The following DNAJC1 variants were observed in gnomAD, a reference collection of about 807,000 sequenced individuals.
The protein encoded by DNAJC1 is DnaJ heat shock protein family (Hsp40) member C1.
Under a neutral mutation model 76.6 loss-of-function variants are expected in DNAJC1, and 58 were observed. The observed-to-expected ratio is 0.76, with a 90% CI of 0.61 to 0.94. DNAJC1 has a LOEUF of 0.94. Ranked by LOEUF, DNAJC1 falls within the 40% of genes least tolerant of loss-of-function variation. The probability of loss-of-function intolerance (pLI) is 0.00; values close to 1 mark genes in which losing one functional copy is unlikely to be tolerated. For synonymous variants in DNAJC1, 258 were observed against 267.9 expected (o/e 0.96, Z 0.36); for missense variants, 689 against 677.3 (o/e 1.02, Z -0.19).
intron 6 of DNAJC1, among the ~76,000 whole-genome samples, chr10:21,912,423 T>G (rs1017162346): frequency 6.6e-6 from 1 of 152,180 alleles, no homozygotes; most frequent in Non-Finnish European, 1.5e-5. Flanking sequence ...TCTTTGGATC[T>G]CTGAGTACTT....
intron 8 of DNAJC1, among the ~76,000 whole-genome samples, chr10:21,830,184 CCT>C (rs1564800374): frequency 6.6e-6 from 1 of 152,108 alleles, no homozygotes; most frequent in East Asian, 1.9e-4. Context: ...ACATGATTTC[CCT>C]GTTTTGTCAC....
At chr10:21,921,053 A>C in intron 3 of DNAJC1, 90 bp from the exon 4 acceptor site, 1 of 1,170,040 alleles carries the variant, frequency 8.5e-7, no homozygotes, top group South Asian at 1.7e-5. Context: ...AGGAAAAAGA[A>C]AACAAATTAT....
intron 1 of DNAJC1, among the ~76,000 whole-genome samples, chr10:21,944,896 T>C (rs1837478939): frequency 6.6e-6 from 1 of 152,140 alleles, no homozygotes; most frequent in Non-Finnish European, 1.5e-5. Context: ...ACTGATAACA[T>C]CTGCAGAAAT....
chr10:21,805,954 T>A (rs1834877826), intron 9 of DNAJC1, 26 bp downstream of exon 9: 2 of 1,610,984 alleles, frequency 1.2e-6, no homozygotes, highest in Non-Finnish European at 1.7e-6. Flanking sequence ...TCTCTCTCTA[T>A]ACAATGCAAA....
intron 8 of DNAJC1, among the ~76,000 whole-genome samples, chr10:21,839,446 A>C (rs903160876): frequency 1.3e-5 from 2 of 152,246 alleles, no homozygotes; most frequent in African/African-American, 4.8e-5. Context: ...AGAAATACAA[A>C]CTACCATCAG....
In DNAJC1 at chr10:21,813,050, CACAT is replaced by C. The variant is rs1254538119; in HGVS notation, c.979-6955_979-6952del. On this transcript the variant is annotated intron_variant, in intron 8 of 11. Coordinates refer to ENST00000376980, the MANE Select transcript of DNAJC1 (RefSeq NM_022365.4). ...ATACACACACACACACACACACACACACATATATATACATATATACATATATATA... is the reference window on the plus strand; with the variant it reads ...ATACACACACACACACACACACACACATATATACATATATACATATATATA... Among the ~76,000 whole-genome samples, 533 of 142,142 alleles carry C rather than the reference CACAT, an allele frequency of 3.7e-3. 4 individuals carry two copies. Among genetic ancestry groups the C allele is most frequent in the African/African-American group, 0.013 (482 of 37,688 alleles). 93.3% of individuals were successfully genotyped at this position (142,142 alleles called of 152,430 possible).
At chr10:21,799,690 GGTCCCTATCATGCC>G (rs1834791765) in intron 9 of DNAJC1, among the ~76,000 whole-genome samples, 1 of 151,878 alleles carries the variant, frequency 6.6e-6, no homozygotes, top group South Asian at 2.1e-4. Flanking sequence ...TCCCTCCCAG[GGTCCCTATCATGCC>G]GTCCTTAGTT....
intron 5 of DNAJC1, 143 bp downstream of exon 5, chr10:21,919,689 A>C (rs1837009122): frequency 3.8e-6 from 2 of 532,580 alleles, no homozygotes; most frequent in South Asian, 7.7e-5. Context: ...TCTCATAAAC[A>C]ATGGCACATT....
At chr10:21,768,473 G>A (rs959239036) in intron 9 of DNAJC1, among the ~76,000 whole-genome samples, 2 of 152,098 alleles carry the variant, frequency 1.3e-5, no homozygotes, top group African/African-American at 2.4e-5. Flanking sequence ...GTAATGTGTG[G>A]ATACCACTAC....
intron 8 of DNAJC1, chr10:21,860,672 A>T: frequency 6.4e-6 from 1 of 156,632 alleles, no homozygotes; most frequent in Non-Finnish European, 1.4e-5. Context: ...CCAGCCTGGG[A>T]GACATTGTGA....
At chr10:21,791,925 CAAA>C (rs934877395) in intron 9 of DNAJC1, among the ~76,000 whole-genome samples, 1 of 151,948 alleles carries the variant, frequency 6.6e-6, no homozygotes, top group East Asian at 1.9e-4. Flanking sequence ...ATCAATGAAA[CAAA>C]AAGTTGATTT....
intron 9 of DNAJC1, among the ~76,000 whole-genome samples, chr10:21,776,938 C>G (rs1345921090): frequency 2.0e-5 from 3 of 152,078 alleles, no homozygotes; most frequent in Non-Finnish European, 4.4e-5. Context: ...TAATGGTTTC[C>G]CCAAATTTTA....
chr10:21,829,790 T>A (rs907096724), intron 8 of DNAJC1, among the ~76,000 whole-genome samples: 1 of 152,272 alleles, frequency 6.6e-6, no homozygotes, highest in African/African-American at 2.4e-5. Context: ...TCATTTATTG[T>A]GATTGAAATA....
chr10:21,988,590 C>G (rs917055533), intron 1 of DNAJC1, among the ~76,000 whole-genome samples: 5 of 152,214 alleles, frequency 3.3e-5, no homozygotes, highest in African/African-American at 1.2e-4. Context: ...TTCTATGAAG[C>G]TAATATCCAA....
intron 9 of DNAJC1, among the ~76,000 whole-genome samples, chr10:21,783,730 C>G (rs942927167): frequency 4.6e-5 from 7 of 152,022 alleles, no homozygotes; most frequent in Non-Finnish European, 7.4e-5. Flanking sequence ...CAGAACAGAG[C>G]CCTCAGAAAT....
At chr10:21,814,571 G>T (rs929529717) in intron 8 of DNAJC1, among the ~76,000 whole-genome samples, 2 of 152,218 alleles carry the variant, frequency 1.3e-5, no homozygotes, top group Non-Finnish European at 2.9e-5. Context: ...ATGGGATCAG[G>T]TGGGTTGTCT....
chr10:21,937,445 C>T (rs941603385), intron 1 of DNAJC1, among the ~76,000 whole-genome samples: 1 of 152,030 alleles, frequency 6.6e-6, no homozygotes, highest in Non-Finnish European at 1.5e-5. Flanking sequence ...AAACATGCAC[C>T]TAACAGAGCC....
chr10:21,891,476 C>CAAAAAAAAAAAAAAA (rs369729722), intron 7 of DNAJC1, among the ~76,000 whole-genome samples: 25 of 38,802 alleles, frequency 6.4e-4, no homozygotes, highest in East Asian at 7.7e-4. Context: ...ACAAAGTAGA[C>CAAAAAAAAAAAAAAA]AAAAAAAAAA....
chr10:21,910,122 T>C (rs1378310877), intron 6 of DNAJC1, among the ~76,000 whole-genome samples: 1 of 151,966 alleles, frequency 6.6e-6, no homozygotes, highest in East Asian at 1.9e-4. Context: ...AACCTTTTTT[T>C]TTTTTCTTTT....
Sources: allele counts gnomAD v4.1 joint callset (sites outside exome capture counted in the v4.1 genomes callset), GRCh38; gene constraint gnomAD v4.1.1; transcripts MANE v1.5; gene names NCBI Gene and HGNC (gene_info 2026-07-23, HGNC 2026-07-21).